Variants in LINGO2 observed in about 807,000 individuals in gnomAD.
LINGO2 encodes the protein leucine-rich repeat and immunoglobulin-like domain-containing nogo receptor-interacting protein 2.
In LINGO2, 14 loss-of-function variants were observed where a neutral mutation model predicts 30.6. That is an observed-to-expected ratio of 0.46 (90% CI 0.30 to 0.72). The LOEUF is 0.72. LINGO2 is among the 30% of genes least tolerant of loss of function. The pLI is 0.07. For synonymous variants in LINGO2, 317 were observed against 288.5 expected, an observed-to-expected ratio of 1.10 and a Z score of -1.00; for missense variants, 729 against 751.7, an observed-to-expected ratio of 0.97 and a Z score of 0.35.
the LINGO2 span, among the ~76,000 whole-genome samples, chr9:28,946,610 A>T: frequency 6.6e-6 from 1 of 152,106 alleles, no homozygotes; most frequent in African/African-American, 2.4e-5. Context: ...TTTTCCTATT[A>T]AAAAGTGAAA....
chr9:28,486,348 T>C (rs1587738967), intron 1 of LINGO2, among the ~76,000 whole-genome samples: 1 of 152,272 alleles, frequency 6.6e-6, no homozygotes, highest in South Asian at 2.1e-4. Context: ...GCAATTTGTG[T>C]GTTGCAAATG....
At chr9:28,512,553 G>T (rs1249806748) in intron 1 of LINGO2, among the ~76,000 whole-genome samples, 2 of 133,670 alleles carry the variant, frequency 1.5e-5, no homozygotes, top group African/African-American at 6.0e-5. Flanking sequence ...TCTGTATTAG[G>T]GTTCTCTAGA....
At position 27,949,299 on chromosome 9, in the gene LINGO2, C is replaced by T. The variant is rs763964876; in HGVS notation, c.1373G>A (p.Gly458Glu). The change falls in exon 6 of 6, where the codon GGA (glycine) becomes GAA (glutamate). Residue 458 changes from glycine (G) to glutamate (E), a missense_variant. Physicochemically the swap from Gly to Glu is moderately conservative, Grantham distance 98. Transcript: ENST00000379992. ...GCCATCACCCAACACGGTGGCTCTT[C>T]CATTGGACTTGGTGGTGATGAAACG... 1.9e-5 allele frequency: 30 copies of T among 1,613,960 alleles called. No homozygotes were observed. Among genetic ancestry groups the T allele is most frequent in the Non-Finnish European group, 2.5e-5 (29 of 1,180,010 alleles).
the LINGO2 span, among the ~76,000 whole-genome samples, chr9:29,202,389 G>A: frequency 1.3e-5 from 2 of 151,704 alleles, no homozygotes; most frequent in Non-Finnish European, 2.9e-5. Flanking sequence ...TAAATTGAGT[G>A]GCTTTATTAG....
chr9:28,750,032 C>G, the LINGO2 span, among the ~76,000 whole-genome samples: 1 of 152,052 alleles, frequency 6.6e-6, no homozygotes, highest in African/African-American at 2.4e-5. Context: ...TTCTAATGCC[C>G]TGTTGGAGAA....
At chr9:28,970,462 C>A in the LINGO2 span, among the ~76,000 whole-genome samples, 12 of 152,218 alleles carry the variant, frequency 7.9e-5, no homozygotes, top group East Asian at 2.3e-3. Flanking sequence ...TTTTAATATC[C>A]TATCCATGAA....
At chr9:28,971,138 A>G in the LINGO2 span, among the ~76,000 whole-genome samples, 1 of 152,182 alleles carries the variant, frequency 6.6e-6, no homozygotes. Flanking sequence ...CTGGGCAAGA[A>G]GAGAACTCAC....
chr9:28,755,924 G>C, the LINGO2 span, among the ~76,000 whole-genome samples: 1 of 152,006 alleles, frequency 6.6e-6, no homozygotes, highest in African/African-American at 2.4e-5. Context: ...ATACGGCTTT[G>C]AAATGTCTTG....
chr9:28,622,886 C>T (rs1342670924), intron 1 of LINGO2, among the ~76,000 whole-genome samples: 1 of 151,998 alleles, frequency 6.6e-6, no homozygotes, highest in Non-Finnish European at 1.5e-5. Context: ...GCCATTTTAA[C>T]TGGGGTGAGA....
chr9:28,919,952 A>C, the LINGO2 span, among the ~76,000 whole-genome samples: 111,463 of 151,946 alleles, frequency 0.73, 41,085 homozygotes, highest in Non-Finnish European at 0.78. Context: ...ATATTTCTAT[A>C]CTTTATATGA....
intron 1 of LINGO2, among the ~76,000 whole-genome samples, chr9:28,606,892 C>T (rs978921285): frequency 1.3e-5 from 2 of 152,000 alleles, no homozygotes; most frequent in Non-Finnish European, 2.9e-5. Context: ...TTTGTTCTGA[C>T]AAGTGTTCTT....
At chr9:28,758,578 T>C in the LINGO2 span, among the ~76,000 whole-genome samples, 41 of 152,048 alleles carry the variant, frequency 2.7e-4, no homozygotes, top group African/African-American at 9.4e-4. Context: ...TGAGCAATAT[T>C]ATGGGAAAAG....
the LINGO2 span, among the ~76,000 whole-genome samples, chr9:28,797,590 T>C: frequency 6.6e-6 from 1 of 151,926 alleles, no homozygotes; most frequent in Non-Finnish European, 1.5e-5. Flanking sequence ...AGAATTGCCA[T>C]TAATTAACAT....
the LINGO2 span, among the ~76,000 whole-genome samples, chr9:28,993,545 C>T: frequency 2.6e-5 from 4 of 151,620 alleles, no homozygotes; most frequent in African/African-American, 9.6e-5. Context: ...ATACCAAAGC[C>T]GGGCAGAGAC....
chr9:27,962,152 T>C (rs143718583), intron 5 of LINGO2, among the ~76,000 whole-genome samples: 2 of 152,314 alleles, frequency 1.3e-5, no homozygotes, highest in East Asian at 1.9e-4. Flanking sequence ...AGTTTTATGA[T>C]GTACTTCATA....
chr9:28,574,415 T>A (rs1327209246), intron 1 of LINGO2, among the ~76,000 whole-genome samples: 2 of 152,184 alleles, frequency 1.3e-5, no homozygotes, highest in Admixed American at 1.3e-4. Flanking sequence ...GTTTAGTGTG[T>A]CATTCCATCT....
At chr9:28,845,852 G>A in the LINGO2 span, among the ~76,000 whole-genome samples, 1 of 151,556 alleles carries the variant, frequency 6.6e-6, no homozygotes, top group African/African-American at 2.4e-5. Context: ...ATGTATCTAT[G>A]TGCCAACTTT....
chr9:28,825,884 T>A, the LINGO2 span, among the ~76,000 whole-genome samples: 1 of 152,170 alleles, frequency 6.6e-6, no homozygotes, highest in Non-Finnish European at 1.5e-5. Flanking sequence ...CATAAATGAC[T>A]ATTTTTCTGA....
At chr9:28,053,581 C>CA (rs1824777485) in intron 4 of LINGO2, among the ~76,000 whole-genome samples, 1 of 152,026 alleles carries the variant, frequency 6.6e-6, no homozygotes, top group South Asian at 2.1e-4. Context: ...GGTTTACAAT[C>CA]AAAACACTGT....
Sources: allele counts gnomAD v4.1 joint callset (sites outside exome capture counted in the v4.1 genomes callset), GRCh38; gene constraint gnomAD v4.1.1; transcripts MANE v1.5; gene names NCBI Gene and HGNC (gene_info 2026-07-23, HGNC 2026-07-21).